The following OR9G4 variants were observed in gnomAD, a reference collection of about 807,000 sequenced individuals.
The protein encoded by OR9G4 is olfactory receptor family 9 subfamily G member 4.
A neutral mutation model predicts 16.7 loss-of-function variants in OR9G4; 19 were observed. The ratio of observed to expected loss-of-function variants is 1.14; its 90% confidence interval spans 0.79 to 1.67. OR9G4 has a LOEUF of 1.67. Ranked by LOEUF, OR9G4 falls within the 40% of genes most tolerant of loss-of-function variation. OR9G4 has a pLI of 0.00. For missense variants in OR9G4, 428 were observed against 370.4 expected, an observed-to-expected ratio of 1.16 and a Z score of -1.28; for synonymous variants, 182 against 146.2, an observed-to-expected ratio of 1.24 and a Z score of -1.76.
rs137980216 is a variant in OR9G4, at chr11:56,747,286, T to C, written c.-23+1370A>G. Among the ~76,000 whole-genome samples, 89 of 152,180 alleles carry C rather than the reference T, an allele frequency of 5.8e-4. 3 individuals are homozygous for C. In the East Asian group the frequency reaches 0.016, roughly 27 times the overall value. ...GAACACTATACTCCAGATGTTTTCA[T>C]GGCTCACTCCTTCATCTTCTTTAAG... On this transcript the variant is annotated intron_variant, in intron 1 of 1. Transcript: ENST00000641668.
intron 1 of OR9G4, among the ~76,000 whole-genome samples, 189 bp downstream of exon 1, chr11:56,748,467 C>T (rs1050421012): frequency 7.2e-5 from 11 of 152,200 alleles, no homozygotes; most frequent in Non-Finnish European, 1.5e-4. Flanking sequence ...TCAAATTCTA[C>T]GTGAGAGCAG....
At position 56,743,730 on chromosome 11, in the gene OR9G4, T is replaced by C. The variant is rs773513643; in HGVS notation, c.37A>G (p.Ile13Val). ...GAATCTGCTGAGAAACCCAACAAGA[T>C]GAATTCAGTCAGGATGGTGCAATTT... ...VGNCTILTEF[I>V]LLGFSADSQW... The change falls in exon 2 of 2, where the codon ATC becomes GTC. Residue 13 changes from isoleucine to valine, a missense_variant. Ile to Val is a conservative substitution (Grantham distance 29, BLOSUM62 3). Transcript: ENST00000641668. 1.2e-6 allele frequency: 2 copies of C among 1,614,060 alleles called. No individual in the cohort carries two copies. Among genetic ancestry groups the C allele is most frequent in the East Asian group, 4.5e-5 (2 of 44,876 alleles).
At chr11:56,745,185 T>C (rs992847676) in intron 1 of OR9G4, among the ~76,000 whole-genome samples, 6 of 152,192 alleles carry the variant, frequency 3.9e-5, no homozygotes, top group Non-Finnish European at 7.3e-5. Flanking sequence ...AAAACATAAA[T>C]AAATAGACTA....
intron 1 of OR9G4, among the ~76,000 whole-genome samples, chr11:56,747,323 C>T (rs766964659): frequency 1.3e-5 from 2 of 152,014 alleles, no homozygotes; most frequent in Admixed American, 6.6e-5. Flanking sequence ...TCCTTTCAAA[C>T]GTCACATTCT....
Position 56,743,198 on chromosome 11 carries a change from G to C in OR9G4, c.569C>G (p.Thr190Arg), listed in dbSNP as rs746015949. 2 of 1,614,128 alleles carry C rather than the reference G, an allele frequency of 1.2e-6. No homozygotes were observed. Among genetic ancestry groups the C allele is most frequent in the Non-Finnish European group, 1.7e-6 (2 of 1,179,992 alleles). Residue 190 changes from threonine to arginine, a missense_variant, in exon 2 of 2, where the codon ACA (threonine) becomes AGA (arginine). Transcript: ENST00000641668. The part of the protein sequence containing the change: ...DAPPLVKMSC[T>R]NTRVYEKVLL... ...GACTTTTTCGTAGACCCTGGTGTTT[G>C]TACAGGACATTTTTACCAATGGTGG... is the stretch of plus-strand genomic sequence containing the variant.
At position 56,745,097 on chromosome 11, in the gene OR9G4, T is replaced by A. The variant is rs535934287; in HGVS notation, c.-22-1309A>T. Reference sequence around the variant, plus strand: ...AACAGCCCATTTTCTGGACAGAACATCAATCTACAAAATTTTAACTATCAT... The same window carrying A: ...AACAGCCCATTTTCTGGACAGAACAACAATCTACAAAATTTTAACTATCAT... On this transcript the variant is annotated intron_variant, in intron 1 of 1. Coordinates refer to ENST00000641668, the MANE Select transcript of OR9G4 (RefSeq NM_001005284.2). 1.1e-4 allele frequency among the ~76,000 whole-genome samples: 17 copies of A among 152,238 alleles called. No individual in the cohort carries two copies. In the South Asian group the frequency reaches 3.5e-3, roughly 32 times the overall value.
At position 56,743,786 on chromosome 11, in the gene OR9G4, T is replaced by C. The variant is rs1438456529; in HGVS notation, c.-20A>G. ...TTCCATGTCCACGGAGGTGAAAGCCTGACTATCATGAGAAGGGAAAATCAT... is the reference window on the plus strand; with the variant it reads ...TTCCATGTCCACGGAGGTGAAAGCCCGACTATCATGAGAAGGGAAAATCAT... On this transcript the variant is annotated splice_region_variant and 5_prime_UTR_variant, in exon 2 of 2. Coordinates refer to ENST00000641668, the MANE Select transcript of OR9G4 (RefSeq NM_001005284.2). 6.2e-7 allele frequency: 1 copy of C among 1,612,856 alleles called. No individual in the cohort carries two copies. The highest frequency in any genetic ancestry group is 8.5e-7 in the Non-Finnish European group (1 of 1,179,532).
At chr11:56,744,061 A>C in intron 1 of OR9G4, 1 of 433,010 alleles carries the variant, frequency 2.3e-6, no homozygotes, top group South Asian at 4.9e-5. Context: ...CACAAGGATA[A>C]CTAATTACTT....
chr11:56,743,714 G>C lies in OR9G4; in HGVS notation c.53C>G (p.Ser18Ter). 6.2e-7 allele frequency: 1 copy of C among 1,614,120 alleles called. No homozygotes were observed. The highest frequency in any genetic ancestry group is 1.1e-5 in the South Asian group (1 of 91,078). Residue 18 changes from serine to a stop codon, truncating the protein, a stop_gained, in exon 2 of 2, where the codon TCA becomes TGA. Coordinates refer to ENST00000641668, the MANE Select transcript of OR9G4 (RefSeq NM_001005284.2). LOFTEE classifies it high-confidence loss of function. ...ILTEFILLGFSADSQWQPILF... is the reference protein window; with the variant it reads ...ILTEFILLGF ...AATCGGCTGCCACTGGGAATCTGCTGAGAAACCCAACAAGATGAATTCAGT... is the reference window on the plus strand; with the variant it reads ...AATCGGCTGCCACTGGGAATCTGCTCAGAAACCCAACAAGATGAATTCAGT...
chr11:56,743,272 G>A lies in OR9G4; in HGVS notation c.495C>T (p.Arg165=), dbSNP rs1368728797. 1 of 1,614,064 alleles carries A rather than the reference G, an allele frequency of 6.2e-7. No individual in the cohort carries two copies. The highest frequency in any genetic ancestry group is 1.7e-5 in the Admixed American group (1 of 60,008). Residue 165 remains arginine (R), a synonymous_variant, in exon 2 of 2, where the codon CGC becomes CGT. Coordinates refer to ENST00000641668, the MANE Select transcript of OR9G4 (RefSeq NM_001005284.2). ...TGATATTTTTACCACAAAAATGCAG[G>A]CGGAATGTATTGGCAGTATGGGCTA... is the stretch of plus-strand genomic sequence containing the variant. ...NAIAHTANTF[R]LHFCGKNIID...
intron 1 of OR9G4, among the ~76,000 whole-genome samples, chr11:56,745,483 ATAGAAATTG>A (rs1250412315): frequency 2.0e-5 from 3 of 152,168 alleles, no homozygotes; most frequent in African/African-American, 7.2e-5. Flanking sequence ...AAAATCTCTT[ATAGAAATTG>A]TTACGTGCCA....
Position 56,742,728 on chromosome 11 carries a change from G to T in OR9G4, c.*100C>A. On this transcript the variant is annotated 3_prime_UTR_variant, in exon 2 of 2. Coordinates refer to ENST00000641668, the MANE Select transcript of OR9G4 (RefSeq NM_001005284.2). ...GTCAATATTTTAATGTTTTAAATAT[G>T]ACTTATTGAACTTAATTGAACTACA... 2 of 999,258 alleles carry T rather than the reference G, an allele frequency of 2.0e-6. No homozygotes were observed. Among genetic ancestry groups the T allele is most frequent in the South Asian group, 1.6e-5 (1 of 63,278 alleles). 61.9% of individuals were successfully genotyped at this position (999,258 alleles called of 1,614,324 possible).
intron 1 of OR9G4, among the ~76,000 whole-genome samples, chr11:56,748,004 T>C (rs1019415778): frequency 6.6e-6 from 1 of 152,306 alleles, no homozygotes; most frequent in South Asian, 2.1e-4. Flanking sequence ...TGGTTCAAAA[T>C]ATTCAGAACA....
chr11:56,746,021 C>T (rs1161559188), intron 1 of OR9G4, among the ~76,000 whole-genome samples: 5 of 151,798 alleles, frequency 3.3e-5, no homozygotes, highest in Admixed American at 1.3e-4. Flanking sequence ...GGGCCGGGCG[C>T]GGTGGCTCAC....
At chr11:56,743,942 T>C in intron 1 of OR9G4, 154 bp from the exon 2 acceptor site, 1 of 815,650 alleles carries the variant, frequency 1.2e-6, no homozygotes, top group Non-Finnish European at 1.9e-6. Context: ...TTGGAAAAAT[T>C]ACTGGAATTG....
chr11:56,743,019 G>T lies in OR9G4; in HGVS notation c.748C>A (p.Leu250Ile). The T allele has an allele frequency of 1.2e-6, 2 of 1,614,026 alleles. No homozygotes were observed. The highest frequency in any genetic ancestry group is 8.5e-7 in the Non-Finnish European group (1 of 1,179,878). Reference protein sequence around the residue: ...TCASHLISVMLFYGSLLFMYS... With the variant: ...TCASHLISVMIFYGSLLFMYS... ...ATAAACAACAATGATCCATAGAAGA[G>T]CATGACTGAGATGAGGTGGGAAGCA... Residue 250 changes from leucine to isoleucine, a missense_variant, in exon 2 of 2, where the codon CTC becomes ATC. Physicochemically the swap from Leu to Ile is conservative, Grantham distance 5. Transcript: ENST00000641668.
intron 1 of OR9G4, among the ~76,000 whole-genome samples, chr11:56,747,646 T>G (rs1315572643): frequency 3.3e-5 from 5 of 152,088 alleles, no homozygotes; most frequent in Non-Finnish European, 7.4e-5. Flanking sequence ...CTTCATATCT[T>G]GAAGCTGGTT....
At position 56,743,782 on chromosome 11, in the gene OR9G4, A is replaced by T; in HGVS notation, c.-16T>A. On this transcript the variant is annotated 5_prime_UTR_variant, in exon 2 of 2. Coordinates refer to ENST00000641668, the MANE Select transcript of OR9G4 (RefSeq NM_001005284.2). The stretch of plus-strand genomic sequence containing the variant: ...CCACTTCCATGTCCACGGAGGTGAA[A>T]GCCTGACTATCATGAGAAGGGAAAA... The T allele has an allele frequency of 6.2e-7, 1 of 1,613,516 alleles. No homozygotes were observed.
At chr11:56,745,170 C>T (rs999573757) in intron 1 of OR9G4, among the ~76,000 whole-genome samples, 3 of 152,170 alleles carry the variant, frequency 2.0e-5, no homozygotes, top group African/African-American at 7.2e-5. Flanking sequence ...AAATTCTGAG[C>T]TTGCAAAACA....
Sources: gnomAD v4.1 joint callset for allele counts (sites outside exome capture counted in the v4.1 genomes callset) on GRCh38, gnomAD v4.1.1 for gene constraint, MANE v1.5 for transcripts, NCBI Gene and HGNC (gene_info 2026-07-23, HGNC 2026-07-21) for gene names.